Variants in DCAF8L2 observed in about 807,000 individuals in gnomAD.
The protein encoded by DCAF8L2 is DDB1 and CUL4 associated factor 8 like 2.
For synonymous variants in DCAF8L2, 200 were observed against 190.9 expected (o/e 1.05, Z -0.39); for missense variants, 430 against 490.7 (o/e 0.88, Z 1.17).
chrX:27,498,554 T>G, the DCAF8L2 span, among the ~76,000 whole-genome samples: 3 of 112,723 alleles, frequency 2.7e-5, no homozygotes, highest in African/African-American at 9.7e-5. Context: ...GTAGTTACTC[T>G]TTTTGTTGTG....
At chrX:27,614,285 T>G (rs1296717760) in intron 1 of DCAF8L2, among the ~76,000 whole-genome samples, 4 of 111,194 alleles carry the variant, frequency 3.6e-5, no homozygotes, top group African/African-American at 9.8e-5. Flanking sequence ...ATTTCTGTGG[T>G]ATCGGTGGTG....
chrX:27,737,468 G>A (rs1454866805), intron 4 of DCAF8L2, among the ~76,000 whole-genome samples: 1 of 111,612 alleles, frequency 9.0e-6, no homozygotes, highest in Non-Finnish European at 1.9e-5. Context: ...AGAGGAGCAC[G>A]GGAATGCATA....
chrX:27,586,491 T>C (rs190487079), upstream of DCAF8L2, among the ~76,000 whole-genome samples: 168 of 111,520 alleles, frequency 1.5e-3, 2 homozygotes, highest in African/African-American at 5.1e-3. Flanking sequence ...GTATGGTTTA[T>C]TCACTCCTCT....
At chrX:27,502,335 AATAT>A in the DCAF8L2 span, among the ~76,000 whole-genome samples, 215 of 12,676 alleles carry the variant, frequency 0.017, 6 homozygotes, top group African/African-American at 0.023. Flanking sequence ...AAAAAAAAAA[AATAT>A]ATATATATAT....
At chrX:27,659,897 C>T (rs767181508) in intron 2 of DCAF8L2, among the ~76,000 whole-genome samples, 2 of 111,261 alleles carry the variant, frequency 1.8e-5, no homozygotes, top group African/African-American at 3.3e-5. Flanking sequence ...AAAATCATAA[C>T]GTTGGATTTC....
At chrX:27,511,922 A>G in the DCAF8L2 span, among the ~76,000 whole-genome samples, 1 of 111,685 alleles carries the variant, frequency 9.0e-6, no homozygotes, top group Non-Finnish European at 1.9e-5. Context: ...AGCAACAACA[A>G]CAACAAAAAA....
At chrX:27,560,245 C>T in the DCAF8L2 span, among the ~76,000 whole-genome samples, 7 of 92,601 alleles carry the variant, frequency 7.6e-5, no homozygotes, top group Admixed American at 2.6e-4. Flanking sequence ...CCAGCCTGGG[C>T]GACAGAGCAA....
chrX:27,683,426 A>G (rs1038413270), intron 3 of DCAF8L2, among the ~76,000 whole-genome samples: 1 of 112,435 alleles, frequency 8.9e-6, no homozygotes, highest in Non-Finnish European at 1.9e-5. Context: ...TTAGGCTTCT[A>G]TACACTTCTT....
chrX:27,678,978 G>T (rs919403472), intron 3 of DCAF8L2, among the ~76,000 whole-genome samples: 3 of 111,589 alleles, frequency 2.7e-5, no homozygotes, highest in Admixed American at 9.6e-5. Flanking sequence ...AATGTATGTG[G>T]ACGGAAATGT....
intron 4 of DCAF8L2, among the ~76,000 whole-genome samples, chrX:27,722,662 G>C (rs906340839): frequency 9.0e-6 from 1 of 110,879 alleles, no homozygotes; most frequent in Admixed American, 9.7e-5. Context: ...GTGTGTATGT[G>C]TGCATGTGTA....
the DCAF8L2 span, among the ~76,000 whole-genome samples, chrX:27,539,984 TA>T: frequency 9.1e-6 from 1 of 110,372 alleles, no homozygotes; most frequent in East Asian, 2.9e-4. Flanking sequence ...TTTCAGTCCT[TA>T]AAATCTCTCT....
chrX:27,669,234 T>TA (rs1337571548), intron 2 of DCAF8L2, among the ~76,000 whole-genome samples: 1 of 111,136 alleles, frequency 9.0e-6, no homozygotes, highest in African/African-American at 3.3e-5. Context: ...ATTAATAATA[T>TA]AAAACATTTA....
the DCAF8L2 span, among the ~76,000 whole-genome samples, chrX:27,507,801 A>C: frequency 9.0e-6 from 1 of 111,613 alleles, no homozygotes; most frequent in African/African-American, 3.2e-5. Flanking sequence ...AGAGTATTAA[A>C]AAATTCAAAG....
At chrX:27,501,609 G>A in the DCAF8L2 span, among the ~76,000 whole-genome samples, 1 of 111,000 alleles carries the variant, frequency 9.0e-6, no homozygotes, top group Admixed American at 9.6e-5. Flanking sequence ...CTCTTTAATC[G>A]CTTCCTGTGA....
At chrX:27,599,711 C>T (rs1017647436) in intron 1 of DCAF8L2, among the ~76,000 whole-genome samples, 6 of 110,588 alleles carry the variant, frequency 5.4e-5, no homozygotes, top group African/African-American at 3.3e-5. Context: ...AATTTGCCCC[C>T]GCCCCGTGCA....
At chrX:27,592,005 C>T (rs770879502) in intron 1 of DCAF8L2, among the ~76,000 whole-genome samples, 6 of 112,937 alleles carry the variant, frequency 5.3e-5, no homozygotes, top group African/African-American at 9.6e-5. Context: ...TTGAAGTGAA[C>T]GCAGTGCTGC....
intron 4 of DCAF8L2, among the ~76,000 whole-genome samples, chrX:27,721,061 T>C (rs1931886104): frequency 8.9e-6 from 1 of 111,899 alleles, no homozygotes; most frequent in Admixed American, 9.5e-5. Flanking sequence ...TTGTTAATTG[T>C]AATAACTATC....
rs1569187007 is a variant in DCAF8L2, at chrX:27,704,183, C to CACACACACATAT, written c.-142-11898_-142-11897insCATATACACACA. On this transcript the variant is annotated intron_variant, in intron 3 of 4. Coordinates refer to ENST00000451261, the MANE Select transcript of DCAF8L2 (RefSeq NM_001353450.2). ...ATATATATATATATATACATATACACACACACATATGTATATACACATGTA... is the reference window on the plus strand; with the variant it reads ...ATATATATATATATATACATATACACACACACACATATACACACATATGTATATACACATGTA... Among the ~76,000 whole-genome samples, 166 of 74,543 alleles carry CACACACACATAT rather than the reference C, an allele frequency of 2.2e-3. 6 individuals are homozygous for CACACACACATAT. Among genetic ancestry groups the CACACACACATAT allele is most frequent in the African/African-American group, 0.015 (154 of 10,307 alleles). 64.7% of individuals were successfully genotyped at this position (74,543 alleles called of 115,157 possible).
At chrX:27,588,969 A>T (rs1377492401), upstream of DCAF8L2, among the ~76,000 whole-genome samples, 2 of 111,644 alleles carry the variant, frequency 1.8e-5, no homozygotes, top group Admixed American at 1.9e-4. Flanking sequence ...ATCAAAATTG[A>T]GATTCCTAGA....
Sources: allele counts gnomAD v4.1 joint callset (sites outside exome capture counted in the v4.1 genomes callset), GRCh38; gene constraint gnomAD v4.1.1; transcripts MANE v1.5; gene names NCBI Gene and HGNC (gene_info 2026-07-23, HGNC 2026-07-21).